Variants in MTCL1 observed in about 807,000 individuals in gnomAD.
MTCL1 encodes microtubule cross-linking factor 1.
Under a neutral mutation model 141.4 loss-of-function variants are expected in MTCL1, and 79 were observed. That is an observed-to-expected ratio of 0.56 (90% CI 0.47 to 0.67). MTCL1 has a LOEUF of 0.67. Ranked by LOEUF, MTCL1 falls within the 30% of genes least tolerant of loss-of-function variation. MTCL1 has a pLI of 0.00. For missense variants in MTCL1, 2,177 were observed against 2,113.9 expected, an observed-to-expected ratio of 1.03 and a Z score of -0.59; for synonymous variants, 914 against 875.8, an observed-to-expected ratio of 1.04 and a Z score of -0.77.
intron 2 of MTCL1, among the ~76,000 whole-genome samples, chr18:8,718,166 A>G (rs2096142416): frequency 6.6e-6 from 1 of 152,110 alleles, no homozygotes; most frequent in Non-Finnish European, 1.5e-5. Flanking sequence ...TGGGAGTGGG[A>G]TAAGTTCTGA....
intron 4 of MTCL1, among the ~76,000 whole-genome samples, chr18:8,741,414 A>G (rs190113804): frequency 1.2e-3 from 183 of 152,330 alleles, no homozygotes; most frequent in African/African-American, 4.1e-3. Context: ...CTTTTATTCT[A>G]TTGTTAACAC....
chr18:8,761,052 A>C (rs2096429874), intron 4 of MTCL1, among the ~76,000 whole-genome samples: 1 of 152,210 alleles, frequency 6.6e-6, no homozygotes, highest in South Asian at 2.1e-4. Context: ...AACTTGCTAA[A>C]GCTTTGGTCA....
intron 8 of MTCL1, among the ~76,000 whole-genome samples, chr18:8,795,705 T>A (rs1568053371): frequency 6.6e-6 from 1 of 152,222 alleles, no homozygotes; most frequent in Non-Finnish European, 1.5e-5. Flanking sequence ...GAGGCCTGCA[T>A]ATTCGGAAGA....
At position 8,756,078 on chromosome 18, in the gene MTCL1, A is replaced by G. The variant is rs1033417645; in HGVS notation, c.358-21755A>G. Reference sequence around the variant, plus strand: ...CTTGAGTGCAGGAATTTGAGGCTACAGTGGGCCAAGATCGCACCACTGCAC... The same window carrying G: ...CTTGAGTGCAGGAATTTGAGGCTACGGTGGGCCAAGATCGCACCACTGCAC... On this transcript the variant is annotated intron_variant, in intron 4 of 16. Transcript: ENST00000359865. 2.0e-5 allele frequency among the ~76,000 whole-genome samples: 3 copies of G among 152,362 alleles called. 1 individual carries two copies. The East Asian group carries it at 5.8e-4, about 29-fold the overall frequency.
chr18:8,789,850 G>A lies in MTCL1; in HGVS notation c.1888-3148G>A, dbSNP rs1018395067. ...AACTTTTCTCCAAATGTATGTGGTTGTATGCAGTTGTGTGGCAGTAGAGTA... is the reference window on the plus strand; with the variant it reads ...AACTTTTCTCCAAATGTATGTGGTTATATGCAGTTGTGTGGCAGTAGAGTA... On this transcript the variant is annotated intron_variant, in intron 7 of 16. Coordinates refer to ENST00000359865, the Ensembl canonical transcript of MTCL1. 9.5e-6 allele frequency: 3 copies of A among 316,762 alleles called. No individual in the cohort carries two copies. In the Admixed American group the frequency reaches 1.9e-4, roughly 20 times the overall value. The allele number at this position is 316,762 out of a possible 1,614,324, so 19.6% of individuals were successfully genotyped here. A position where few individuals can be genotyped will look rare whatever the true frequency, so the allele number is the denominator to read the frequency against.
chr18:8,780,827 C>T (rs987905858), intron 5 of MTCL1, among the ~76,000 whole-genome samples: 1 of 152,102 alleles, frequency 6.6e-6, no homozygotes, highest in Non-Finnish European at 1.5e-5. Context: ...AAGTAACATG[C>T]CAACTTCTGG....
At chr18:8,789,743 T>G (rs1314486737) in intron 7 of MTCL1, 1 of 966,786 alleles carries the variant, frequency 1.0e-6, no homozygotes, top group Non-Finnish European at 1.2e-6. Context: ...AAAAAAAGGG[T>G]TTTTTTTAGA....
chr18:8,719,023 A>G (rs989564892), intron 3 of MTCL1, among the ~76,000 whole-genome samples: 4 of 152,136 alleles, frequency 2.6e-5, no homozygotes, highest in Non-Finnish European at 5.9e-5. Flanking sequence ...CATATCACTT[A>G]ACATTTTTTT....
chr18:8,784,893 T>C, intron 6 of MTCL1, 50 bp downstream of exon 5: 1 of 1,474,206 alleles, frequency 6.8e-7, no homozygotes, highest in Non-Finnish European at 9.1e-7. Context: ...CTCTTCCTCC[T>C]TCTCGCTGGC....
chr18:8,709,056 TG>T (rs1355358022), intron 1 of MTCL1, among the ~76,000 whole-genome samples: 2 of 152,196 alleles, frequency 1.3e-5, no homozygotes, highest in East Asian at 3.9e-4. Context: ...CCTGCCCACA[TG>T]TGCAAAATTG....
intron 12 of MTCL1, among the ~76,000 whole-genome samples, 189 bp from the exon 12 acceptor site, chr18:8,818,774 G>T (rs957270896): frequency 6.6e-6 from 1 of 152,092 alleles, no homozygotes; most frequent in Non-Finnish European, 1.5e-5. Flanking sequence ...AAAATTGTGG[G>T]TTTTGTAAAG....
At chr18:8,826,558 T>G (rs1255115006) in intron 15 of MTCL1, among the ~76,000 whole-genome samples, 2 of 152,222 alleles carry the variant, frequency 1.3e-5, no homozygotes, top group African/African-American at 2.4e-5. Context: ...TCTTTCTGTG[T>G]GAATTCGTGC....
chr18:8,712,118 T>G lies in MTCL1; in HGVS notation c.1053+5405T>G, dbSNP rs567525192. ...ATAGTGTCCTCTTGCCATGCTGACC[T>G]CCTGCAGGGTGGGTGAGGATTGGGG... On this transcript the variant is annotated intron_variant, in intron 1 of 13. Coordinates refer to the MTCL1 transcript ENST00000306329. Among the ~76,000 whole-genome samples, 45 of 152,278 alleles carry G rather than the reference T, an allele frequency of 3.0e-4. No individual in the cohort carries two copies. In the East Asian group the frequency reaches 7.9e-3, roughly 27 times the overall value.
chr18:8,786,790 G>GTAAA (rs2096557707), intron 7 of MTCL1: 1 of 201,492 alleles, frequency 5.0e-6, no homozygotes, highest in Admixed American at 5.2e-5. Flanking sequence ...CTGTGTCAGT[G>GTAAA]TAAAGTATGA....
At chr18:8,774,171 G>A (rs772537750) in intron 4 of MTCL1, among the ~76,000 whole-genome samples, 5 of 152,124 alleles carry the variant, frequency 3.3e-5, no homozygotes, top group Middle Eastern at 3.4e-3. Flanking sequence ...GCCATGGTTC[G>A]CCAACTTCTG....
chr18:8,741,780 A>G (rs762694701), intron 4 of MTCL1, among the ~76,000 whole-genome samples: 7 of 152,236 alleles, frequency 4.6e-5, no homozygotes, highest in Non-Finnish European at 7.3e-5. Flanking sequence ...GAACTCATCA[A>G]ATCAACTTAA....
intron 4 of MTCL1, among the ~76,000 whole-genome samples, chr18:8,762,972 C>T (rs975742599): frequency 4.6e-5 from 7 of 152,284 alleles, no homozygotes; most frequent in South Asian, 2.1e-4. Context: ...ATTCTTTCTC[C>T]TCTTTGTTAA....
At chr18:8,805,849 T>G (rs1598745745) in intron 10 of MTCL1, among the ~76,000 whole-genome samples, 1 of 152,184 alleles carries the variant, frequency 6.6e-6, no homozygotes, top group African/African-American at 2.4e-5. Context: ...TCACGAGGCT[T>G]TTATTATCAA....
At chr18:8,721,577 C>T (rs1371687140) in intron 4 of MTCL1, among the ~76,000 whole-genome samples, 1 of 152,194 alleles carries the variant, frequency 6.6e-6, no homozygotes, top group African/African-American at 2.4e-5. Context: ...TTTCTCCAGG[C>T]ACTCACCTGT....
Sources: allele counts gnomAD v4.1 joint callset (sites outside exome capture counted in the v4.1 genomes callset), GRCh38; gene constraint gnomAD v4.1.1; transcripts MANE v1.5; gene names NCBI Gene and HGNC (gene_info 2026-07-23, HGNC 2026-07-21).